Variants in MYO3B observed in about 807,000 individuals in gnomAD.
MYO3B encodes the protein myosin IIIB, also known as myosin-IIIb.
MYO3B carries 156 observed loss-of-function variants against 174.6 expected under a neutral mutation model. The observed-to-expected ratio is 0.89, with a 90% CI of 0.78 to 1.02. The LOEUF (loss-of-function observed/expected upper bound fraction) is 1.02, where lower values mean the gene tolerates loss of function less well. MYO3B is among the 50% of genes least tolerant of loss of function. The probability of loss-of-function intolerance (pLI) is 0.00; values close to 1 mark genes in which losing one functional copy is unlikely to be tolerated. For missense variants in MYO3B, 1,632 were observed against 1,639.4 expected (o/e 1.00, Z 0.08); for synonymous variants, 563 against 569.1 (o/e 0.99, Z 0.15).
At chr2:170,293,197 T>C (rs528565647) in intron 7 of MYO3B, among the ~76,000 whole-genome samples, 1 of 152,294 alleles carries the variant, frequency 6.6e-6, no homozygotes, top group East Asian at 1.9e-4. Context: ...TTTGGTTTTC[T>C]GTGGGGGGAA....
chr2:170,391,887 G>A (rs1295536623), intron 15 of MYO3B, among the ~76,000 whole-genome samples: 1 of 152,062 alleles, frequency 6.6e-6, no homozygotes, highest in Non-Finnish European at 1.5e-5. Flanking sequence ...GGGTGTGGCG[G>A]CTCATGCCTG....
intron 23 of MYO3B, among the ~76,000 whole-genome samples, chr2:170,459,801 G>A (rs1433138972): frequency 2.0e-5 from 3 of 152,198 alleles, no homozygotes; most frequent in African/African-American, 7.2e-5. Flanking sequence ...GCTGAGGCCT[G>A]GCGAGAATTT....
intron 32 of MYO3B, among the ~76,000 whole-genome samples, chr2:170,597,462 A>G (rs1694228399): frequency 6.6e-6 from 1 of 151,818 alleles, no homozygotes; most frequent in Non-Finnish European, 1.5e-5. Context: ...GAGGTTGGAG[A>G]ACAACAGCAG....
intron 7 of MYO3B, among the ~76,000 whole-genome samples, chr2:170,297,579 C>A (rs1202058690): frequency 1.3e-5 from 2 of 152,092 alleles, no homozygotes; most frequent in Non-Finnish European, 2.9e-5. Context: ...GAAAGATGAG[C>A]CATTGAGCTG....
chr2:170,421,436 A>G (rs1191702456), intron 22 of MYO3B, among the ~76,000 whole-genome samples: 18 of 152,174 alleles, frequency 1.2e-4, no homozygotes, highest in Non-Finnish European at 4.4e-5. Flanking sequence ...ACTTGTGGCT[A>G]AAGTACAGAT....
At position 170,335,256 on chromosome 2, in the gene MYO3B, A is replaced by C. The variant is rs559694220; in HGVS notation, c.750-129A>C. 30 of 710,312 alleles carry C rather than the reference A, an allele frequency of 4.2e-5. No homozygotes were observed. The South Asian group carries it at 5.6e-4, about 13-fold the overall frequency. 44.0% of individuals were successfully genotyped at this position (710,312 alleles called of 1,614,324 possible). On this transcript the variant is annotated intron_variant, in intron 7 of 34. Coordinates refer to ENST00000408978, the MANE Select transcript of MYO3B (RefSeq NM_138995.5). ...GGCACTTTATAATCTACCACTAAAA[A>C]ATGACTCTCATATGAGAACAAACAG...
At chr2:170,564,198 T>C (rs1033638975) in intron 32 of MYO3B, among the ~76,000 whole-genome samples, 1 of 152,184 alleles carries the variant, frequency 6.6e-6, no homozygotes, top group East Asian at 1.9e-4. Context: ...GGCAGCCAGG[T>C]GTGGTGGCTC....
intron 1 of MYO3B, among the ~76,000 whole-genome samples, chr2:170,194,625 G>T (rs538114030): frequency 3.3e-5 from 5 of 151,946 alleles, no homozygotes; most frequent in South Asian, 2.1e-4. Flanking sequence ...TTTTGGTTTT[G>T]TGTGTGTGTG....
intron 32 of MYO3B, among the ~76,000 whole-genome samples, chr2:170,572,427 C>CAA (rs570741105): frequency 8.3e-5 from 11 of 132,572 alleles, no homozygotes; most frequent in East Asian, 4.2e-4. Flanking sequence ...GACTCTGTCT[C>CAA]AAAAAAAAAA....
intron 22 of MYO3B, among the ~76,000 whole-genome samples, chr2:170,417,226 T>C (rs1273546246): frequency 1.3e-5 from 2 of 152,112 alleles, no homozygotes; most frequent in Non-Finnish European, 2.9e-5. Flanking sequence ...TCCCCACTCA[T>C]TCTATCACAT....
chr2:170,465,182 T>A (rs1684544036), intron 24 of MYO3B, among the ~76,000 whole-genome samples: 1 of 152,060 alleles, frequency 6.6e-6, no homozygotes, highest in Non-Finnish European at 1.5e-5. Flanking sequence ...CAAGACTGGA[T>A]AATTTATAAA....
intron 7 of MYO3B, among the ~76,000 whole-genome samples, chr2:170,291,371 C>T (rs1295647230): frequency 6.6e-6 from 1 of 152,184 alleles, no homozygotes; most frequent in Non-Finnish European, 1.5e-5. Flanking sequence ...TTTTATATTA[C>T]TTGTCTCTCA....
chr2:170,194,609 A>ATTTGGT (rs1232881046), intron 1 of MYO3B, among the ~76,000 whole-genome samples: 14 of 151,792 alleles, frequency 9.2e-5, no homozygotes, highest in African/African-American at 3.4e-4. Flanking sequence ...ATTTGCTTTT[A>ATTTGGT]TTTGGTTTTG....
At chr2:170,412,140 AG>A (rs2094549764) in intron 22 of MYO3B, 2 of 152,256 alleles carry the variant, frequency 1.3e-5, no homozygotes, top group South Asian at 4.1e-4. Context: ...ATTAAAAGGA[AG>A]GATGTTATAA....
chr2:170,480,899 A>G (rs1019850512), intron 25 of MYO3B, among the ~76,000 whole-genome samples: 2 of 152,206 alleles, frequency 1.3e-5, no homozygotes, highest in Admixed American at 1.3e-4. Flanking sequence ...TTAAGCCTAC[A>G]ACACATCCTT....
intron 32 of MYO3B, among the ~76,000 whole-genome samples, chr2:170,583,054 C>A (rs62168211): frequency 0.43 from 64,210 of 149,804 alleles, 17,118 homozygotes; most frequent in Non-Finnish European, 0.59. Context: ...TCTACCCGCC[C>A]CACCGCCTGA....
intron 30 of MYO3B, among the ~76,000 whole-genome samples, chr2:170,541,603 A>T (rs931698401): frequency 6.6e-6 from 1 of 152,206 alleles, no homozygotes; most frequent in Non-Finnish European, 1.5e-5. Flanking sequence ...TATAAATGAT[A>T]GTTAATTTAA....
Position 170,401,543 on chromosome 2 carries a change from G to C in MYO3B, c.1981G>C (p.Val661Leu). The change falls in exon 18 of 35, where the codon GTC becomes CTC. Residue 661 changes from valine to leucine, a missense_variant. Coordinates refer to ENST00000408978, the MANE Select transcript of MYO3B (RefSeq NM_138995.5). ...LQEALTSHCV[V>L]TRGETIIRAN... ...GGAGGCCCTCACCTCCCACTGTGTG[G>C]TCACCCGGGGCGAGACCATCATCCG... The C allele has an allele frequency of 6.2e-7, 1 of 1,614,144 alleles. No individual in the cohort carries two copies. Among genetic ancestry groups the C allele is most frequent in the Non-Finnish European group, 8.5e-7 (1 of 1,180,014 alleles).
chr2:170,620,617 A>T (rs1695830959), intron 32 of MYO3B, among the ~76,000 whole-genome samples: 1 of 152,194 alleles, frequency 6.6e-6, no homozygotes, highest in Non-Finnish European at 1.5e-5. Context: ...AGGCAGCATG[A>T]GCTTCATGTT....
Sources: gnomAD v4.1 joint callset for allele counts (sites outside exome capture counted in the v4.1 genomes callset) on GRCh38, gnomAD v4.1.1 for gene constraint, MANE v1.5 for transcripts, NCBI Gene and HGNC (gene_info 2026-07-23, HGNC 2026-07-21) for gene names.